NEGR1: variants seen among roughly 807,000 people sequenced by gnomAD.
NEGR1 encodes neuronal growth regulator 1.
NEGR1 carries 10 observed loss-of-function variants against 40.9 expected under a neutral mutation model. The ratio of observed to expected loss-of-function variants is 0.24; its 90% confidence interval spans 0.15 to 0.42. The LOEUF (loss-of-function observed/expected upper bound fraction) is 0.42. Ranked by LOEUF, NEGR1 falls within the 10% of genes least tolerant of loss-of-function variation. The pLI is 1.00. For missense variants in NEGR1, 352 were observed against 438.9 expected (o/e 0.80, Z 1.77); for synonymous variants, 185 against 166.8 (o/e 1.11, Z -0.84).
rs1232730453 is a variant in NEGR1, at chr1:72,282,281, G to A, written c.176+38C>T. 2.5e-6 allele frequency: 4 copies of A among 1,609,894 alleles called. 1 individual carries two copies. In the South Asian group the frequency reaches 3.3e-5, roughly 13 times the overall value. On this transcript the variant is annotated intron_variant, in intron 1 of 6. Transcript: ENST00000357731. ...GGGTTCAAAGAGAGACAGAAAGATA[G>A]ACCGAAACAAGTACGAAAAGCACGC... is the stretch of plus-strand genomic sequence containing the variant.
At chr1:71,619,521 C>T (rs1650547991) in intron 4 of NEGR1, among the ~76,000 whole-genome samples, 1 of 152,118 alleles carries the variant, frequency 6.6e-6, no homozygotes, top group Non-Finnish European at 1.5e-5. Flanking sequence ...ATGCTAGAGT[C>T]TCTCAAATTC....
At chr1:72,042,104 C>A (rs569623924) in intron 1 of NEGR1, among the ~76,000 whole-genome samples, 5 of 151,102 alleles carry the variant, frequency 3.3e-5, no homozygotes, top group South Asian at 4.2e-4. Flanking sequence ...AATAAAAGAA[C>A]CTTCAACATT....
At chr1:71,556,881 G>A (rs1316133967) in intron 6 of NEGR1, among the ~76,000 whole-genome samples, 1 of 151,558 alleles carries the variant, frequency 6.6e-6, no homozygotes, top group Admixed American at 6.6e-5. Context: ...AACAAGAAGG[G>A]TCACAGAACA....
chr1:72,127,141 A>G (rs555713797), intron 1 of NEGR1, among the ~76,000 whole-genome samples: 1 of 152,314 alleles, frequency 6.6e-6, no homozygotes, highest in East Asian at 1.9e-4. Flanking sequence ...AATAATGTAT[A>G]AACAATGGCA....
At chr1:71,988,923 T>TAAAAAAAAAAAAAAAAAAAAAAAAAA (rs10604833) in intron 1 of NEGR1, among the ~76,000 whole-genome samples, 3 of 82,234 alleles carry the variant, frequency 3.6e-5, no homozygotes, top group African/African-American at 1.7e-4. Flanking sequence ...TATTGGATGT[T>TAAAAAAAAAAAAAAAAAAAAAAAAAA]AAAAAAAAAA....
intron 3 of NEGR1, among the ~76,000 whole-genome samples, chr1:71,700,264 G>T (rs1653643884): frequency 6.6e-6 from 1 of 151,846 alleles, no homozygotes; most frequent in South Asian, 2.1e-4. Context: ...GATTATGATA[G>T]TTAAAGAGAT....
At chr1:72,011,459 G>T (rs1165448478) in intron 1 of NEGR1, among the ~76,000 whole-genome samples, 2 of 152,110 alleles carry the variant, frequency 1.3e-5, no homozygotes, top group African/African-American at 4.8e-5. Context: ...GAAACTTGGA[G>T]GGTTCAAAGA....
intron 2 of NEGR1, among the ~76,000 whole-genome samples, chr1:71,904,510 T>G (rs1418073273): frequency 5.9e-5 from 9 of 152,128 alleles, no homozygotes; most frequent in Admixed American, 3.9e-4. Context: ...TTCCTTAAAC[T>G]TTTAAACACT....
At chr1:71,779,934 G>A (rs1042753403) in intron 2 of NEGR1, among the ~76,000 whole-genome samples, 1 of 150,978 alleles carries the variant, frequency 6.6e-6, no homozygotes, top group Non-Finnish European at 1.5e-5. Context: ...TGGTCAACTG[G>A]ATGGTGATAA....
At chr1:71,691,747 T>C (rs1653288999) in intron 4 of NEGR1, among the ~76,000 whole-genome samples, 1 of 151,814 alleles carries the variant, frequency 6.6e-6, no homozygotes, top group Non-Finnish European at 1.5e-5. Flanking sequence ...CTTAACCTTC[T>C]TTTCTGTTTT....
intron 6 of NEGR1, among the ~76,000 whole-genome samples, chr1:71,482,613 T>C (rs964216630): frequency 6.6e-6 from 1 of 151,904 alleles, no homozygotes; most frequent in Non-Finnish European, 1.5e-5. Flanking sequence ...GATTTTGACA[T>C]TGTTTATTAT....
chr1:72,162,924 G>A (rs1017978889), intron 1 of NEGR1, among the ~76,000 whole-genome samples: 2 of 152,038 alleles, frequency 1.3e-5, no homozygotes, highest in Non-Finnish European at 2.9e-5. Flanking sequence ...ATTTCTTGTT[G>A]CTTGCAAGAG....
chr1:71,694,557 T>G (rs1653409886), intron 4 of NEGR1, among the ~76,000 whole-genome samples: 1 of 151,752 alleles, frequency 6.6e-6, no homozygotes, highest in Non-Finnish European at 1.5e-5. Flanking sequence ...ATATAGTCAA[T>G]TATATCAATT....
intron 2 of NEGR1, among the ~76,000 whole-genome samples, chr1:71,878,605 A>G (rs2101840433): frequency 6.6e-6 from 1 of 152,348 alleles, no homozygotes; most frequent in Admixed American, 6.5e-5. Flanking sequence ...ATTATGAAAA[A>G]TAATAAATAG....
At chr1:72,103,299 T>C (rs1649013986) in intron 1 of NEGR1, among the ~76,000 whole-genome samples, 2 of 152,058 alleles carry the variant, frequency 1.3e-5, no homozygotes, top group African/African-American at 2.4e-5. Context: ...TAAAATGAAA[T>C]ATAAATCCTT....
chr1:71,749,406 A>T (rs1655495221), intron 3 of NEGR1, among the ~76,000 whole-genome samples: 1 of 152,242 alleles, frequency 6.6e-6, no homozygotes, highest in South Asian at 2.1e-4. Flanking sequence ...AAATGAACAT[A>T]ATAATATCAG....
intron 1 of NEGR1, among the ~76,000 whole-genome samples, chr1:72,126,897 A>T (rs2100303002): frequency 6.6e-6 from 1 of 152,330 alleles, no homozygotes; most frequent in South Asian, 2.1e-4. Flanking sequence ...ATCTTATAAA[A>T]GGTATTTCTG....
intron 1 of NEGR1, among the ~76,000 whole-genome samples, chr1:72,028,906 G>T (rs1228961157): frequency 6.6e-6 from 1 of 152,118 alleles, no homozygotes; most frequent in African/African-American, 2.4e-5. Flanking sequence ...CTCAGGGCTT[G>T]ATGCTCAATA....
At chr1:71,609,753 T>C (rs1158717331) in intron 5 of NEGR1, among the ~76,000 whole-genome samples, 13 of 152,126 alleles carry the variant, frequency 8.5e-5, no homozygotes, top group Admixed American at 8.5e-4. Context: ...TTAGCTGCAA[T>C]TGGTTATGAG....
Sources: gnomAD v4.1 joint callset for allele counts (sites outside exome capture counted in the v4.1 genomes callset) on GRCh38, gnomAD v4.1.1 for gene constraint, MANE v1.5 for transcripts, NCBI Gene and HGNC (gene_info 2026-07-23, HGNC 2026-07-21) for gene names.